Variants in GTPBP1 observed in about 807,000 individuals in gnomAD.
GTPBP1 encodes the protein GTP binding protein 1.
Under a neutral mutation model 62.0 loss-of-function variants are expected in GTPBP1, and 23 were observed. That is an observed-to-expected ratio of 0.37 (90% CI 0.27 to 0.53). GTPBP1 has a LOEUF of 0.53. Ranked by LOEUF, GTPBP1 falls within the 20% of genes least tolerant of loss-of-function variation. The probability of loss-of-function intolerance (pLI) is 0.89; values close to 1 mark genes in which losing one functional copy is unlikely to be tolerated. For synonymous variants in GTPBP1, 344 were observed against 364.4 expected (o/e 0.94, Z 0.64); for missense variants, 640 against 917.3 (o/e 0.70, Z 3.90).
At chr22:38,741,938 C>T (rs760982215), downstream of GTPBP1, among the ~76,000 whole-genome samples, 8 of 144,072 alleles carry the variant, frequency 5.6e-5, no homozygotes, top group Admixed American at 2.1e-4. Context: ...GTCAGGAGTT[C>T]GAGACCAGCC....
chr22:38,724,383 G>T lies in GTPBP1; in HGVS notation c.1045G>T (p.Val349Phe). ...VLVQSKDDVIVTASNFSSERM... is the reference protein window; with the variant it reads ...VLVQSKDDVIFTASNFSSERM... ...GGTGCAGAGCAAAGATGATGTGATT[G>T]TCACAGCCTCCAACTTCAGCTCTGA... The change falls in exon 6 of 12, where the codon GTC becomes TTC. Residue 349 changes from valine to phenylalanine, a missense_variant. Val to Phe is a conservative substitution (Grantham distance 50). Around this residue, in one of 4 missense-constraint regions of GTPBP1, gnomAD observed 220 missense variants for 358.1 expected, o/e 0.61. Transcript: ENST00000216044. The T allele has an allele frequency of 1.2e-6, 2 of 1,611,396 alleles. No individual in the cohort carries two copies. Among genetic ancestry groups the T allele is most frequent in the Non-Finnish European group, 1.7e-6 (2 of 1,177,540 alleles).
Position 38,725,895 on chromosome 22 carries a change from T to C in GTPBP1, c.1074-111T>C, listed in dbSNP as rs1448964962. ...GGTGAGGGAGAGGTGGAGTCATGAA[T>C]AGTGGCATCTGCTCCTCGAGCCCTG... On this transcript the variant is annotated intron_variant, in intron 6 of 11. Coordinates refer to ENST00000216044, the MANE Select transcript of GTPBP1 (RefSeq NM_004286.5). 9.4e-6 allele frequency: 9 copies of C among 955,898 alleles called. No individual in the cohort carries two copies. The East Asian group carries it at 1.7e-4, about 18-fold the overall frequency. 59.2% of individuals were successfully genotyped at this position (955,898 alleles called of 1,614,324 possible).
At chr22:38,743,006 C>T (rs1036816359), downstream of GTPBP1, 1 of 159,392 alleles carries the variant, frequency 6.3e-6, no homozygotes, top group African/African-American at 2.4e-5. Context: ...GCTTTCACTC[C>T]TTCCCTAGGT....
downstream of GTPBP1, chr22:38,741,362 G>C: frequency 1.2e-5 from 11 of 936,866 alleles, no homozygotes; most frequent in South Asian, 1.6e-4. Flanking sequence ...AAACAGAGAA[G>C]TCAGAGGAGG....
downstream of GTPBP1, chr22:38,742,341 A>G (rs2092865471): frequency 1.9e-6 from 3 of 1,609,218 alleles, no homozygotes; most frequent in Non-Finnish European, 2.6e-6. Context: ...ATCCTCCTTC[A>G]GGGCAGCTTC....
chr22:38,741,518 GA>G, downstream of GTPBP1: 7 of 1,614,066 alleles, frequency 4.3e-6, no homozygotes, highest in Non-Finnish European at 5.9e-6. Flanking sequence ...CGATCTTCTT[GA>G]AGAGGTCTTC....
At chr22:38,721,161 C>T (rs2092698584) in intron 4 of GTPBP1, among the ~76,000 whole-genome samples, 2 of 152,198 alleles carry the variant, frequency 1.3e-5, no homozygotes, top group African/African-American at 4.8e-5. Context: ...CTCACCACAA[C>T]CTCCACCTCC....
chr22:38,739,021 C>T (rs929213622), downstream of GTPBP1: 13 of 1,579,422 alleles, frequency 8.2e-6, 1 homozygote, highest in African/African-American at 6.8e-5. The surrounding 1 kb of genome is among the most constrained non-coding windows in gnomAD (Gnocchi z 6.7). Flanking sequence ...GGTGGGCTCC[C>T]GCACGGGAGG....
At chr22:38,735,581 C>T (rs2092797441), downstream of GTPBP1, 1 of 215,428 alleles carries the variant, frequency 4.6e-6, no homozygotes, top group African/African-American at 2.3e-5. Context: ...AGAGGGGAAG[C>T]CTACAGGGTT....
chr22:38,708,929 AC>A lies in GTPBP1; in HGVS notation c.279del (p.Ile94TyrfsTer15). The A allele has an allele frequency of 6.3e-7, 1 of 1,599,292 alleles. No homozygotes were observed. The highest frequency in any genetic ancestry group is 8.6e-7 in the Non-Finnish European group (1 of 1,166,390). On this transcript the variant is annotated frameshift_variant, in exon 2 of 12. Transcript: ENST00000216044. LOFTEE classifies it high-confidence loss of function. ...WERMDEGCGE[T>X]IYVIGQGSDG... is the part of the protein sequence containing the mutation. Reference sequence around the variant, plus strand: ...GAGGATGGACGAGGGATGCGGAGAGACCATATATGTCATTGGGCAGGGATCA... The same window carrying A: ...GAGGATGGACGAGGGATGCGGAGAGACATATATGTCATTGGGCAGGGATCA...
downstream of GTPBP1, chr22:38,737,724 C>T (rs1283339923): frequency 1.1e-5 from 4 of 362,362 alleles, no homozygotes; most frequent in Admixed American, 3.7e-5. The surrounding 1 kb of genome is among the most constrained non-coding windows in gnomAD (Gnocchi z 4.1). Context: ...AGGAACCAGA[C>T]TCTCCTGGGG....
chr22:38,719,687 A>G (rs373720809), intron 4 of GTPBP1, among the ~76,000 whole-genome samples: 2 of 151,712 alleles, frequency 1.3e-5, no homozygotes, highest in African/African-American at 4.8e-5. Context: ...ATCCCAGACA[A>G]AGTCACAATG....
Position 38,728,096 on chromosome 22 carries a change from C to T in GTPBP1, c.1651C>T (p.Leu551=), listed in dbSNP as rs1026336756. The T allele has an allele frequency of 1.2e-6, 2 of 1,613,440 alleles. No homozygotes were observed. Among genetic ancestry groups the T allele is most frequent in the African/African-American group, 2.7e-5 (2 of 74,894 alleles). The part of the protein sequence containing the change: ...HFRFIKTPEY[L]HIDQRLVFRE... The stretch of plus-strand genomic sequence containing the variant: ...CCGCTTCATCAAGACCCCTGAGTAC[C>T]TGCACATAGACCAGCGGCTGGTGTT... Residue 551 remains leucine (L), a synonymous_variant, in exon 10 of 12, where the codon CTG becomes TTG. Transcript: ENST00000216044.
downstream of GTPBP1, chr22:38,741,450 G>A (rs1427453202): frequency 1.3e-6 from 2 of 1,582,128 alleles, no homozygotes; most frequent in African/African-American, 2.7e-5. Context: ...GTTGGATGGG[G>A]TCAGGACCCA....
At chr22:38,742,810 C>G (rs2092871284), downstream of GTPBP1, 5 of 463,712 alleles carry the variant, frequency 1.1e-5, no homozygotes, top group South Asian at 1.2e-4. Context: ...AAGTCTGATC[C>G]CAGAGGAGGA....
intron 2 of GTPBP1, among the ~76,000 whole-genome samples, chr22:38,713,654 CCTG>C (rs1294239392): frequency 4.6e-5 from 7 of 152,202 alleles, no homozygotes; most frequent in African/African-American, 1.7e-4. Context: ...AATCTGAAGA[CCTG>C]AACTCATGGC....
chr22:38,729,843 C>T (rs946975652), intron 11 of GTPBP1, among the ~76,000 whole-genome samples, 181 bp downstream of exon 11: 2 of 152,200 alleles, frequency 1.3e-5, no homozygotes, highest in Non-Finnish European at 2.9e-5. Flanking sequence ...GGCAGTGCTT[C>T]CAAATCAGGG....
At chr22:38,739,753 TGCAGC>T (rs1461184517), downstream of GTPBP1, 1 of 1,613,584 alleles carries the variant, frequency 6.2e-7, no homozygotes, top group Non-Finnish European at 8.5e-7. The surrounding 1 kb of genome is among the most constrained non-coding windows in gnomAD (Gnocchi z 6.7). Context: ...ACCTTCTTTC[TGCAGC>T]GTCAGGCTCA....
chr22:38,728,740 G>A (rs895993379), intron 10 of GTPBP1: 8 of 155,932 alleles, frequency 5.1e-5, no homozygotes, highest in East Asian at 3.8e-4. Flanking sequence ...CCCATCCATG[G>A]TCACCCTGGG....
Sources: allele counts gnomAD v4.1 joint callset (sites outside exome capture counted in the v4.1 genomes callset), GRCh38; gene constraint gnomAD v4.1.1; regional missense constraint gnomAD v4.1.1; non-coding constraint Gnocchi (gnomAD v3.1); transcripts MANE v1.5; gene names NCBI Gene and HGNC (gene_info 2026-07-23, HGNC 2026-07-21).